CCND3: variants seen among roughly 807,000 people sequenced by gnomAD.
The protein encoded by CCND3 is cyclin D3, also known as G1/S-specific cyclin-D3.
CCND3 carries 9 observed loss-of-function variants against 28.7 expected under a neutral mutation model. The ratio of observed to expected loss-of-function variants is 0.31; its 90% CI spans 0.19 to 0.55. CCND3 has a LOEUF of 0.55. CCND3 is among the 20% of genes least tolerant of loss of function. CCND3 has a pLI of 0.93. For missense variants in CCND3, 315 were observed against 385.8 expected (o/e 0.82, Z 1.54); for synonymous variants, 164 against 163.9 (o/e 1.00, Z 0.00).
rs3833667 is a variant in CCND3 at position 41,935,617 on chromosome 6, T to TG, written c.*322dup. 181,182 of 427,198 alleles carry TG rather than the reference T, an allele frequency of 0.42. 34,307 individuals carry two copies. Among genetic ancestry groups the TG allele is most frequent in the Middle Eastern group, 0.54 (862 of 1,596 alleles). 26.5% of individuals were successfully genotyped at this position (427,198 alleles called of 1,614,324 possible). ...TTGAAAACATGAGAGCCCCCAGGGG[T>TG]GGGGGGGGGCGTTCAAAAGGAATGC... On this transcript the variant is annotated 3_prime_UTR_variant, in exon 5 of 5. Coordinates refer to ENST00000372991, the MANE Select transcript of CCND3 (RefSeq NM_001760.5).
At chr6:41,982,855 T>C (rs4714527) in intron 1 of CCND3, among the ~76,000 whole-genome samples, 144,958 of 146,306 alleles carry the variant, frequency 0.99, 71,821 homozygotes, top group Middle Eastern at 1. Context: ...CAACAAATGG[T>C]GCTGGAACAA....
rs911711011 is a variant in CCND3, at chr6:41,967,756, T to G, written c.-45-27171A>C. ...TTGTATCAATTTTAGTGCGTCAAAG[T>G]GACTTGCAGAACCTGTTAACTATGC... On this transcript the variant is annotated intron_variant, in intron 1 of 4. Coordinates refer to the CCND3 transcript ENST00000372988. 9.8e-5 allele frequency among the ~76,000 whole-genome samples: 15 copies of G among 152,306 alleles called. 1 individual carries two copies. Among genetic ancestry groups the G allele is most frequent in the Non-Finnish European group, 2.1e-4 (14 of 68,026 alleles).
chr6:41,976,403 G>A (rs1171032965), intron 1 of CCND3, among the ~76,000 whole-genome samples: 2 of 152,014 alleles, frequency 1.3e-5, no homozygotes, highest in Non-Finnish European at 2.9e-5. Context: ...TGTTATTCCA[G>A]ATACTCTGGG....
rs1245860075 is a variant in CCND3, at chr6:41,935,109, C to A, written c.*831G>T. 2 of 233,218 alleles carry A rather than the reference C, an allele frequency of 8.6e-6. No homozygotes were observed. Among genetic ancestry groups the A allele is most frequent in the Non-Finnish European group, 1.7e-5 (2 of 118,078 alleles). The allele number at this position is 233,218 out of a possible 1,614,324, so 14.4% of individuals were successfully genotyped here. A position where few individuals can be genotyped will look rare whatever the true frequency, so the allele number is the denominator to read the frequency against. ...GGGCATCCCTGCTGCATTTTCCCTG[C>A]TGGAGGATGGGGCAGAGGGACAATG... is the stretch of plus-strand genomic sequence containing the variant. On this transcript the variant is annotated 3_prime_UTR_variant, in exon 5 of 5. Coordinates refer to ENST00000372991, the MANE Select transcript of CCND3 (RefSeq NM_001760.5).
At position 41,935,903 on chromosome 6, in the gene CCND3, C is replaced by T. The variant is rs374760695; in HGVS notation, c.*37G>A. 4.4e-5 allele frequency: 69 copies of T among 1,579,296 alleles called. No homozygotes were observed. Among genetic ancestry groups the T allele is most frequent in the Non-Finnish European group, 5.9e-5 (68 of 1,160,880 alleles). On this transcript the variant is annotated 3_prime_UTR_variant, in exon 5 of 5. Transcript: ENST00000372991. ...GGGAGGTGGGTGGCAGCGGCCCCTCCTCTGCTTAGTGGCCACTCCAGAGGG... is the reference window on the plus strand; with the variant it reads ...GGGAGGTGGGTGGCAGCGGCCCCTCTTCTGCTTAGTGGCCACTCCAGAGGG...
intron 1 of CCND3, among the ~76,000 whole-genome samples, chr6:41,967,465 A>G (rs138919752): frequency 4.0e-4 from 61 of 152,332 alleles, no homozygotes; most frequent in African/African-American, 1.4e-3. Context: ...TTCTTCATCT[A>G]TAAAAGGAGC....
chr6:42,014,200 C>A (rs971661099), intron 1 of CCND3, among the ~76,000 whole-genome samples: 16 of 151,348 alleles, frequency 1.1e-4, no homozygotes, highest in Non-Finnish European at 1.9e-4. Context: ...CCCGTCTCTA[C>A]CAAAAATACA....
intron 1 of CCND3, among the ~76,000 whole-genome samples, chr6:41,951,646 G>C (rs1055185523): frequency 5.3e-5 from 8 of 151,740 alleles, no homozygotes; most frequent in African/African-American, 1.9e-4. Context: ...AAGTTTAGGT[G>C]GGGGGTCAGG....
chr6:42,018,144 G>T (rs191425685), intron 1 of CCND3, among the ~76,000 whole-genome samples: 1 of 151,672 alleles, frequency 6.6e-6, no homozygotes, highest in Non-Finnish European at 1.5e-5. Flanking sequence ...ATGAGACTCC[G>T]TCTCTAAATA....
chr6:42,027,699 C>A (rs1335764061), intron 1 of CCND3, among the ~76,000 whole-genome samples: 2 of 152,090 alleles, frequency 1.3e-5, no homozygotes, highest in Non-Finnish European at 2.9e-5. Context: ...AGCTGTGTAA[C>A]CCTGGACAGA....
chr6:41,989,875 G>C (rs1211093271), intron 1 of CCND3, among the ~76,000 whole-genome samples: 1 of 152,154 alleles, frequency 6.6e-6, no homozygotes, highest in Non-Finnish European at 1.5e-5. Context: ...CCTGCACACA[G>C]ATGTTGATAG....
At chr6:42,040,024 A>G (rs1764323341) in intron 1 of CCND3, among the ~76,000 whole-genome samples, 1 of 152,242 alleles carries the variant, frequency 6.6e-6, no homozygotes, top group Admixed American at 6.5e-5. Flanking sequence ...GAGACTGTGT[A>G]CGTGACAATG....
At position 41,936,291 on chromosome 6, in the gene CCND3, C is replaced by T; in HGVS notation, c.712-184G>A. ...AGGATGTGGCAAGGGAGTGTGAGAG[C>T]AGCCCTGCATCTGACACCAAACCCC... On this transcript the variant is annotated intron_variant, in intron 4 of 4. Coordinates refer to ENST00000372991, the MANE Select transcript of CCND3 (RefSeq NM_001760.5). This position sits in a 1 kb window ranked among gnomAD's most constrained non-coding sequence, Gnocchi z 4.4. 3 of 703,080 alleles carry T rather than the reference C, an allele frequency of 4.3e-6. No homozygotes were observed. Among genetic ancestry groups the T allele is most frequent in the Non-Finnish European group, 6.9e-6 (3 of 434,372 alleles). 43.6% of individuals were successfully genotyped at this position (703,080 alleles called of 1,614,324 possible).
rs118139349 is a variant in CCND3, at chr6:41,938,563, T to C, written c.415-1169A>G. ...GGGACTCAGCTTCTAAGGAAGCATC[T>C]GGAAGGCAACTGGGAGTGGGACTCT... On this transcript the variant is annotated intron_variant, in intron 2 of 4. Coordinates refer to ENST00000372991, the MANE Select transcript of CCND3 (RefSeq NM_001760.5). This position sits in a 1 kb window ranked among gnomAD's most constrained non-coding sequence, Gnocchi z 4.6. Among the ~76,000 whole-genome samples the C allele has an allele frequency of 6.6e-6, 1 of 152,332 alleles. No homozygotes were observed. The highest frequency in any genetic ancestry group is 1.9e-4 in the East Asian group (1 of 5,186).
At chr6:42,041,982 A>C (rs1764383733) in intron 1 of CCND3, among the ~76,000 whole-genome samples, 1 of 152,208 alleles carries the variant, frequency 6.6e-6, no homozygotes, top group African/African-American at 2.4e-5. Flanking sequence ...CAGAGAAGGA[A>C]GAGAACAGAG....
At chr6:41,982,881 CAAAAAAAAAA>C (rs56117421) in intron 1 of CCND3, among the ~76,000 whole-genome samples, 1 of 94,428 alleles carries the variant, frequency 1.1e-5, no homozygotes, top group Non-Finnish European at 2.2e-5. Context: ...CATCCACATG[CAAAAAAAAAA>C]AAAAAAAAAA....
At chr6:42,003,989 C>A (rs983235837) in intron 1 of CCND3, among the ~76,000 whole-genome samples, 22 of 124,856 alleles carry the variant, frequency 1.8e-4, no homozygotes, top group Admixed American at 1.2e-3. Context: ...ACAAAACAAA[C>A]AAAACTTAGG....
At chr6:42,021,639 T>C (rs1252195158) in intron 1 of CCND3, among the ~76,000 whole-genome samples, 1 of 152,118 alleles carries the variant, frequency 6.6e-6, no homozygotes, top group Non-Finnish European at 1.5e-5. Context: ...GGATTTAAAC[T>C]GGGCTTTGAA....
intron 1 of CCND3, among the ~76,000 whole-genome samples, chr6:41,975,009 G>C (rs367854052): frequency 1.3e-5 from 2 of 152,004 alleles, no homozygotes; most frequent in African/African-American, 4.8e-5. Context: ...GGCCAGGCTC[G>C]TCTCAAACTC....
Sources: gnomAD v4.1 joint callset for allele counts (sites outside exome capture counted in the v4.1 genomes callset) on GRCh38, gnomAD v4.1.1 for gene constraint, Gnocchi (gnomAD v3.1) non-coding constraint, MANE v1.5 for transcripts, NCBI Gene and HGNC (gene_info 2026-07-23, HGNC 2026-07-21) for gene names.